Variants in USP2 observed in about 807,000 individuals in gnomAD.
The protein encoded by USP2 is ubiquitin carboxyl-terminal hydrolase 2.
Under a neutral mutation model 72.0 loss-of-function variants are expected in USP2, and 33 were observed. The observed-to-expected ratio is 0.46, with a 90% CI of 0.35 to 0.61. The LOEUF (loss-of-function observed/expected upper bound fraction) is 0.61. USP2 is among the 20% of genes least tolerant of loss of function. The pLI, the probability that USP2 is intolerant of heterozygous loss-of-function variation, is 0.01. For missense variants in USP2, 691 were observed against 797.8 expected, an observed-to-expected ratio of 0.87 and a Z score of 1.61; for synonymous variants, 296 against 312.5, an observed-to-expected ratio of 0.95 and a Z score of 0.56.
intron 12 of USP2, 39 bp from the exon 13 acceptor site, chr11:119,356,961 A>ACC (rs1216821865): frequency 1.3e-6 from 2 of 1,544,102 alleles, no homozygotes; most frequent in Non-Finnish European, 1.7e-6. Flanking sequence ...AGCGGGCAGG[A>ACC]CCGGGAGACC....
At chr11:119,376,144 G>A (rs891493302) in intron 1 of USP2, 15 of 982,086 alleles carry the variant, frequency 1.5e-5, no homozygotes, top group East Asian at 2.3e-4. Context: ...CTCCCCTCCC[G>A]CAACCCCCAG....
intron 3 of USP2, 139 bp downstream of exon 3, chr11:119,360,045 C>A: frequency 9.2e-7 from 1 of 1,090,534 alleles, no homozygotes; most frequent in Non-Finnish European, 1.3e-6. Context: ...TTCTGTGAAA[C>A]ACCAGCCAGG....
At chr11:119,366,022 G>C (rs753592331) in intron 2 of USP2, among the ~76,000 whole-genome samples, 15 of 151,854 alleles carry the variant, frequency 9.9e-5, no homozygotes, top group Non-Finnish European at 2.1e-4. Flanking sequence ...AGCTTCCTGA[G>C]TAGCTGGGAT....
At position 119,359,083 on chromosome 11, in the gene USP2, G is replaced by A. The variant is rs765978967; in HGVS notation, c.1113C>T (p.Asn371=). The change falls in exon 6 of 13, where the codon AAC becomes AAT. Residue 371 remains asparagine (N), a synonymous_variant. Transcript: ENST00000260187. ...FLRFLLDGLH[N]EVNRVTLRPK... Reference sequence around the variant, plus strand: ...GTCTCAGTGTCACTCGGTTCACCTCGTTATGGAGCCCATCCAGAAGAAAGC... The same window carrying A: ...GTCTCAGTGTCACTCGGTTCACCTCATTATGGAGCCCATCCAGAAGAAAGC... The A allele has an allele frequency of 2.5e-6, 4 of 1,613,926 alleles. No individual in the cohort carries two copies. The highest frequency in any genetic ancestry group is 1.7e-5 in the Admixed American group (1 of 60,002).
At chr11:119,358,906 GA>G (rs1950717526) in intron 6 of USP2, 69 bp from the exon 7 acceptor site, 1 of 1,595,256 alleles carries the variant, frequency 6.3e-7, no homozygotes, top group Non-Finnish European at 8.6e-7. Context: ...TGTCAATTTT[GA>G]TCCTTCATCT....
chr11:119,372,220 C>T (rs943032503), intron 2 of USP2, among the ~76,000 whole-genome samples: 11 of 152,242 alleles, frequency 7.2e-5, no homozygotes, highest in Admixed American at 1.3e-4. Context: ...GAGAGTCCCT[C>T]TTCCCCTGAT....
intron 10 of USP2, 59 bp downstream of exon 10, chr11:119,357,698 C>A: frequency 6.2e-7 from 1 of 1,613,388 alleles, no homozygotes; most frequent in Non-Finnish European, 8.5e-7. Flanking sequence ...ACCTATGGGC[C>A]CCTTGTCATC....
At chr11:119,372,481 C>T (rs76870367) in intron 2 of USP2, among the ~76,000 whole-genome samples, 3,791 of 152,360 alleles carry the variant, frequency 0.025, 61 homozygotes, top group Admixed American at 0.05. Flanking sequence ...GGACTATCCT[C>T]GAGTGCGCGG....
Position 119,359,546 on chromosome 11 carries a change from G to C in USP2, c.940C>G (p.Leu314Val), listed in dbSNP as rs1950729239. ...ACAGAGGGCCTCTCACCTTCCACGA[G>C]GGCTGTGTGTGCATTGCTGCCGTGG... ...LHHGSNAHTA[L>V]VEEFAKLIQT... The change falls in exon 4 of 13, where the codon CTC becomes GTC. Residue 314 changes from leucine (L) to valine (V), a missense_variant. Physicochemically the swap from Leu to Val is conservative, Grantham distance 32 (BLOSUM62 1). Coordinates refer to ENST00000260187, the MANE Select transcript of USP2 (RefSeq NM_004205.5). 3 of 1,613,816 alleles carry C rather than the reference G, an allele frequency of 1.9e-6. No homozygotes were observed. Among genetic ancestry groups the C allele is most frequent in the South Asian group, 1.1e-5 (1 of 91,082 alleles).
At chr11:119,364,178 C>T (rs1565307785) in intron 2 of USP2, 1 of 1,188,014 alleles carries the variant, frequency 8.4e-7, no homozygotes, top group South Asian at 4.3e-5. Context: ...CGCCAACAGC[C>T]CGGGTCCCGG....
rs1220071291 is a variant in USP2 at position 119,372,980 on chromosome 11, G to A, written c.501C>T (p.Gly167=). 9.3e-6 allele frequency: 15 copies of A among 1,613,840 alleles called. No homozygotes were observed. Among genetic ancestry groups the A allele is most frequent in the Non-Finnish European group, 1.3e-5 (15 of 1,180,028 alleles). The change falls in exon 2 of 13, where the codon GGC becomes GGT. Residue 167 remains glycine, a synonymous_variant. Coordinates refer to ENST00000260187, the MANE Select transcript of USP2 (RefSeq NM_004205.5). ...GCGTCCGGGCCAGCATGGGGCTGCG[G>A]CCCAGGTTCCTGGGGTCTATCCGGT... ...DSYRIDPRNL[G]RSPMLARTRK... is the part of the protein sequence containing the mutation.
In USP2 at chr11:119,364,491, G is replaced by A. The variant is rs936216391; in HGVS notation, c.775-4257C>T. 5.3e-5 allele frequency among the ~76,000 whole-genome samples: 8 copies of A among 152,328 alleles called. No individual in the cohort carries two copies. The East Asian group carries it at 1.5e-3, about 29-fold the overall frequency. On this transcript the variant is annotated intron_variant, in intron 2 of 12. Transcript: ENST00000260187. ...CAGCTCGGGATAAGTGATCTTTGGG[G>A]CCCGCAGAGGACGTCTCCCCAAGAC...
chr11:119,380,246 A>G (rs557420425), intron 1 of USP2, among the ~76,000 whole-genome samples: 1 of 151,996 alleles, frequency 6.6e-6, no homozygotes, highest in South Asian at 2.1e-4. Flanking sequence ...GCCAGAGAAC[A>G]GTCCCTTGGT....
chr11:119,373,241 C>T lies in USP2; in HGVS notation c.240G>A (p.Leu80=), dbSNP rs150406697. Residue 80 remains leucine (L), a synonymous_variant, in exon 2 of 13, where the codon CTG becomes CTA. Transcript: ENST00000260187. ...CACCCCCAGTGATGTCGGGTCTCAG[C>T]AGGGGGCGGCCCCGGTCATAGTCCA... ...SLLDYDRGRP[L]LRPDITGGGK... is the part of the protein sequence containing the mutation. 9.3e-5 allele frequency: 150 copies of T among 1,613,952 alleles called. No individual in the cohort carries two copies. The South Asian group carries it at 1.1e-3, about 12-fold the overall frequency.
chr11:119,372,847 G>A lies in USP2; in HGVS notation c.634C>T (p.Pro212Ser), dbSNP rs1950949988. ...YGRKGSASQV[P>S]SQAPPSRVPE... ...ACTCGTGAGGGAGGGGCCTGGGAGG[G>A]CACCTGAGATGCACTGCCCTTGCGA... Residue 212 changes from proline (P) to serine (S), a missense_variant, in exon 2 of 13, where the codon CCC (proline) becomes TCC (serine). Pro to Ser is a moderately conservative substitution (Grantham distance 74). Coordinates refer to ENST00000260187, the MANE Select transcript of USP2 (RefSeq NM_004205.5). 1.2e-6 allele frequency: 2 copies of A among 1,607,646 alleles called. No individual in the cohort carries two copies. The highest frequency in any genetic ancestry group is 2.2e-5 in the East Asian group (1 of 44,874).
Position 119,375,369 on chromosome 11 carries a change from G to A in USP2, c.-41-1848C>T, listed in dbSNP as rs115155309. 3.7e-3 allele frequency among the ~76,000 whole-genome samples: 562 copies of A among 152,318 alleles called. 6 individuals are homozygous for A. The highest frequency in any genetic ancestry group is 0.012 in the African/African-American group (503 of 41,570). ...TGCCTGAGAACTCCAGCAGTTTTCA[G>A]TCCAGGCTGACATCAGAAAGGCCTG... is the stretch of plus-strand genomic sequence containing the variant. On this transcript the variant is annotated intron_variant, in intron 1 of 12. Transcript: ENST00000260187.
At chr11:119,360,412 A>ATTTTC (rs201575647) in intron 2 of USP2, 178 bp from the exon 3 acceptor site, 57 of 699,692 alleles carry the variant, frequency 8.1e-5, no homozygotes, top group South Asian at 7.0e-4. Context: ...AATGCCTGTG[A>ATTTTC]TTTTCTTTTC....
In USP2 at chr11:119,355,249, G is replaced by C. The variant is rs543838425; in HGVS notation, c.*1586C>G. 1.3e-5 allele frequency: 2 copies of C among 152,192 alleles called. No individual in the cohort carries two copies. The highest frequency in any genetic ancestry group is 2.4e-5 in the African/African-American group (1 of 41,442). The allele number at this position is 152,192 out of a possible 1,614,324, so 9.4% of individuals were successfully genotyped here. On this transcript the variant is annotated 3_prime_UTR_variant, in exon 13 of 13. Coordinates refer to ENST00000260187, the MANE Select transcript of USP2 (RefSeq NM_004205.5). ...AAAGCTATTATTTATTCTGTACAAG[G>C]TTCCACTGTACATTAGACATTCTTC...
intron 7 of USP2, 62 bp from the exon 8 acceptor site, chr11:119,358,314 G>T: frequency 6.9e-7 from 1 of 1,458,356 alleles, no homozygotes; most frequent in Non-Finnish European, 9.3e-7. Flanking sequence ...CTTCTGCACA[G>T]CAGCTTTTAT....
Sources: allele counts gnomAD v4.1 joint callset (sites outside exome capture counted in the v4.1 genomes callset), GRCh38; gene constraint gnomAD v4.1.1; transcripts MANE v1.5; gene names NCBI Gene and HGNC (gene_info 2026-07-23, HGNC 2026-07-21).